ADNP2: variants seen among roughly 807,000 people sequenced by gnomAD.
The protein encoded by ADNP2 is ADNP homeobox 2, also known as activity-dependent neuroprotector homeobox protein 2.
ADNP2 carries 8 observed loss-of-function variants against 16.4 expected under a neutral mutation model. The observed-to-expected ratio is 0.49, with a 90% CI of 0.29 to 0.88. ADNP2 has a LOEUF of 0.88. ADNP2 is among the 40% of genes least tolerant of loss of function. The probability of loss-of-function intolerance (pLI) is 0.09; values close to 1 mark genes in which losing one functional copy is unlikely to be tolerated. For missense variants in ADNP2, 1,397 were observed against 1,395.1 expected, an observed-to-expected ratio of 1.00 and a Z score of -0.02; for synonymous variants, 637 against 545.8, an observed-to-expected ratio of 1.17 and a Z score of -2.33.
At position 80,139,400 on chromosome 18, in the gene ADNP2, T is replaced by TG. The variant is rs1815314116; in HGVS notation, c.*592dup. 1 of 46,066 alleles carries TG rather than the reference T, an allele frequency of 2.2e-5. No individual in the cohort carries two copies. Among genetic ancestry groups the TG allele is most frequent in the Admixed American group, 2.5e-4 (1 of 4,066 alleles). The allele number at this position is 46,066 out of a possible 1,614,324, so 2.9% of individuals were successfully genotyped here. On this transcript the variant is annotated 3_prime_UTR_variant, in exon 4 of 4. Transcript: ENST00000262198. ...ATTTTTTTAGGTTTATCCTAATAGCTGTTTTTTTTTTTAACCATAACTCAT... is the reference window on the plus strand; with the variant it reads ...ATTTTTTTAGGTTTATCCTAATAGCTGGTTTTTTTTTTTAACCATAACTCAT...
rs1257049033 is a variant in ADNP2, at chr18:80,137,577, A to G, written c.2164A>G (p.Lys722Glu). 1 of 1,614,220 alleles carries G rather than the reference A, an allele frequency of 6.2e-7. No individual in the cohort carries two copies. The highest frequency in any genetic ancestry group is 1.7e-5 in the Admixed American group (1 of 60,028). ...MEVAHKHSES[K>E]SGEKLEPEKL... is the part of the protein sequence containing the mutation. ...GGTAGCGCATAAGCACAGCGAGTCCAAGTCTGGTGAGAAACTTGAGCCTGA... is the reference window on the plus strand; with the variant it reads ...GGTAGCGCATAAGCACAGCGAGTCCGAGTCTGGTGAGAAACTTGAGCCTGA... The change falls in exon 4 of 4, where the codon AAG (lysine) becomes GAG (glutamate). Residue 722 changes from lysine to glutamate, a missense_variant. Transcript: ENST00000262198. This position sits in a 1 kb window ranked among gnomAD's most constrained non-coding sequence, Gnocchi z 4.2.
At position 80,136,215 on chromosome 18, in the gene ADNP2, C is replaced by T. The variant is rs145820490; in HGVS notation, c.802C>T (p.Pro268Ser). ...TGLLKQTHIA[P>S]KPAAHLAAPA... ...ACTCTTGAAGCAAACGCACATTGCT[C>T]CAAAACCAGCAGCACATTTGGCTGC... is the stretch of plus-strand genomic sequence containing the variant. The change falls in exon 4 of 4, where the codon CCA becomes TCA. Residue 268 changes from proline (P) to serine (S), a missense_variant. By Grantham distance (74) the Pro-to-Ser change is moderately conservative. This residue lies in a region of ADNP2 where 777 missense variants were observed against 719.4 expected (regional missense o/e 1.08). Coordinates refer to ENST00000262198, the MANE Select transcript of ADNP2 (RefSeq NM_014913.4). 36 of 1,614,230 alleles carry T rather than the reference C, an allele frequency of 2.2e-5. No homozygotes were observed. Among genetic ancestry groups the T allele is most frequent in the Non-Finnish European group, 3.0e-5 (35 of 1,180,042 alleles).
intron 2 of ADNP2, among the ~76,000 whole-genome samples, chr18:80,132,657 T>A (rs776943020): frequency 2.6e-5 from 3 of 116,070 alleles, no homozygotes; most frequent in Non-Finnish European, 5.3e-5. Context: ...TCTCTCACTC[T>A]CTCCTCTCTC....
rs2052561569 is a variant in ADNP2, at chr18:80,138,785, A to C, written c.3372A>C (p.Arg1124Ser). 6.4e-7 allele frequency: 1 copy of C among 1,550,994 alleles called. No homozygotes were observed. The highest frequency in any genetic ancestry group is 8.7e-7 in the Non-Finnish European group (1 of 1,155,378). Residue 1124 changes from arginine to serine, a missense_variant, in exon 4 of 4, where the codon AGA (arginine) becomes AGC (serine). Physicochemically the swap from Arg to Ser is moderately radical, Grantham distance 110. Coordinates refer to ENST00000262198, the MANE Select transcript of ADNP2 (RefSeq NM_014913.4). ...CTGAACTTAAAAATGTGAAACATAG[A>C]TTGAACTTTGAATATGAACCATAAA... is the stretch of plus-strand genomic sequence containing the variant. Reference protein sequence around the residue: ...DMSELKNVKHRLNFEYEP With the variant: ...DMSELKNVKHSLNFEYEP
intron 3 of ADNP2, chr18:80,133,881 G>C (rs567237821): frequency 6.6e-6 from 1 of 152,438 alleles, no homozygotes; most frequent in Admixed American, 6.5e-5. Context: ...GCCTGGGCTG[G>C]AGTCCAGTGG....
Position 80,136,956 on chromosome 18 carries a change from G to T in ADNP2, c.1543G>T (p.Val515Phe), listed in dbSNP as rs1469858037. The stretch of plus-strand genomic sequence containing the variant: ...GAGGGTTATCTCTGCAGGCCAGGTG[G>T]TCCCGTCTGGGCTTCTTTCTCCCAA... ...PLRVISAGQVVPSGLLSPNQT... is the reference protein window; with the variant it reads ...PLRVISAGQVFPSGLLSPNQT... Residue 515 changes from valine (V) to phenylalanine (F), a missense_variant, in exon 4 of 4, where the codon GTC becomes TTC. Around this residue, in one of 3 missense-constraint regions of ADNP2, gnomAD observed 777 missense variants for 719.4 expected, o/e 1.08. Transcript: ENST00000262198. The T allele has an allele frequency of 6.2e-7, 1 of 1,613,914 alleles. No homozygotes were observed. The highest frequency in any genetic ancestry group is 1.7e-4 in the Middle Eastern group (1 of 6,058).
chr18:80,119,812 G>A (rs1296330455), intron 2 of ADNP2, among the ~76,000 whole-genome samples: 1 of 152,208 alleles, frequency 6.6e-6, no homozygotes, highest in African/African-American at 2.4e-5. Context: ...CCCTTGTCAA[G>A]TTACCTGCCA....
chr18:80,124,020 A>G (rs974985383), intron 2 of ADNP2, among the ~76,000 whole-genome samples: 4 of 152,162 alleles, frequency 2.6e-5, no homozygotes, highest in Non-Finnish European at 1.5e-5. Flanking sequence ...ATGAGCCAGC[A>G]CGCTCAGCCT....
intron 2 of ADNP2, among the ~76,000 whole-genome samples, chr18:80,123,735 T>G (rs768866015): frequency 2.6e-5 from 4 of 151,708 alleles, no homozygotes; most frequent in Non-Finnish European, 1.5e-5. Context: ...TTAATTTTTT[T>G]TTTCTTTTTT....
In ADNP2 at chr18:80,138,901, A is replaced by G. The variant is rs1352215488; in HGVS notation, c.*92A>G. ...AGTGTTGTCCTCACTGTGTTGGTGA[A>G]TCAACCTCAGTGGTCACTGTGCTGC... is the stretch of plus-strand genomic sequence containing the variant. On this transcript the variant is annotated 3_prime_UTR_variant, in exon 4 of 4. Coordinates refer to ENST00000262198, the MANE Select transcript of ADNP2 (RefSeq NM_014913.4). The G allele has an allele frequency of 2.6e-5, 32 of 1,212,728 alleles. 1 individual carries two copies. The South Asian group carries it at 3.4e-4, about 13-fold the overall frequency. 75.1% of individuals were successfully genotyped at this position (1,212,728 alleles called of 1,614,324 possible).
intron 3 of ADNP2, chr18:80,133,709 G>A (rs1442762040): frequency 1.3e-5 from 2 of 157,572 alleles, no homozygotes; most frequent in African/African-American, 4.8e-5. Flanking sequence ...CACCTTCCTC[G>A]GTATCAGACT....
intron 1 of ADNP2, among the ~76,000 whole-genome samples, chr18:80,111,123 T>G (rs1026474293): frequency 1.3e-5 from 2 of 152,204 alleles, no homozygotes; most frequent in Non-Finnish European, 2.9e-5. Context: ...GGCAATGTGT[T>G]ACATAGGTGG....
intron 1 of ADNP2, among the ~76,000 whole-genome samples, chr18:80,115,395 A>T (rs2052382584): frequency 6.6e-6 from 1 of 152,076 alleles, no homozygotes; most frequent in Non-Finnish European, 1.5e-5. Flanking sequence ...TTTGAGCCCT[A>T]GTTGTGCCCA....
chr18:80,135,658 C>CA lies in ADNP2; in HGVS notation c.248dup (p.Val84GlyfsTer14). The stretch of plus-strand genomic sequence containing the variant: ...TGTTGTGGCCTCTGTAAATACTCTA[C>CA]AAAGGTGCTTACTTCATTCAAGAAT... On this transcript the variant is annotated frameshift_variant, in exon 4 of 4. Transcript: ENST00000262198. LOFTEE classifies it low-confidence loss of function (END_TRUNC). 6.2e-7 allele frequency: 1 copy of CA among 1,614,186 alleles called. No individual in the cohort carries two copies. The highest frequency in any genetic ancestry group is 8.5e-7 in the Non-Finnish European group (1 of 1,180,014).
chr18:80,131,669 A>G (rs1352860134), intron 2 of ADNP2, among the ~76,000 whole-genome samples: 2 of 151,886 alleles, frequency 1.3e-5, no homozygotes, highest in African/African-American at 4.8e-5. Flanking sequence ...CTATGCAGCC[A>G]TAAAAAAGGA....
Position 80,137,324 on chromosome 18 carries a change from C to G in ADNP2, c.1911C>G (p.Pro637=). 3 of 1,614,010 alleles carry G rather than the reference C, an allele frequency of 1.9e-6. No homozygotes were observed. Among genetic ancestry groups the G allele is most frequent in the Non-Finnish European group, 2.5e-6 (3 of 1,179,926 alleles). The change falls in exon 4 of 4, where the codon CCC becomes CCG. Residue 637 remains proline (P), a synonymous_variant. Coordinates refer to ENST00000262198, the MANE Select transcript of ADNP2 (RefSeq NM_014913.4). The surrounding 1 kb of genome is among the most constrained non-coding windows in gnomAD (Gnocchi z 4.2). ...GAGGCCTTGCGACTGTCGCTCCGCC[C>G]CAGATGCCCATCCAGCTCCTGCCGT... The part of the protein sequence containing the change: ...PPGGLATVAP[P]QMPIQLLPSG...
At chr18:80,125,949 A>C (rs2052455882) in intron 2 of ADNP2, among the ~76,000 whole-genome samples, 1 of 152,210 alleles carries the variant, frequency 6.6e-6, no homozygotes, top group African/African-American at 2.4e-5. Context: ...AGCAAAGCCT[A>C]AACTGTTTAT....
intron 3 of ADNP2, chr18:80,133,591 A>G (rs779485285): frequency 4.8e-5 from 9 of 185,920 alleles, no homozygotes; most frequent in Non-Finnish European, 7.8e-5. Context: ...CATTTTAAGT[A>G]ATTAGAAACC....
At chr18:80,113,030 C>G (rs1489416718) in intron 1 of ADNP2, among the ~76,000 whole-genome samples, 1 of 152,238 alleles carries the variant, frequency 6.6e-6, no homozygotes, top group South Asian at 2.1e-4. Flanking sequence ...ACAAAATTTT[C>G]GTTGAGTTTT....
Sources: allele counts gnomAD v4.1 joint callset (sites outside exome capture counted in the v4.1 genomes callset), GRCh38; gene constraint gnomAD v4.1.1; regional missense constraint gnomAD v4.1.1; non-coding constraint Gnocchi (gnomAD v3.1); transcripts MANE v1.5; gene names NCBI Gene and HGNC (gene_info 2026-07-23, HGNC 2026-07-21).